The following GRIA2 variants were observed in gnomAD, a reference collection of about 807,000 sequenced individuals.
GRIA2 encodes the protein glutamate receptor 2.
A neutral mutation model predicts 97.3 loss-of-function variants in GRIA2; 14 were observed. The ratio of observed to expected loss-of-function variants is 0.14; its 90% CI spans 0.10 to 0.23. The LOEUF (loss-of-function observed/expected upper bound fraction) is 0.23, where lower values mean the gene tolerates loss of function less well. Ranked by LOEUF, GRIA2 falls within the 10% of genes least tolerant of loss-of-function variation. The pLI, the probability that GRIA2 is intolerant of heterozygous loss-of-function variation, is 1.00. For synonymous variants in GRIA2, 412 were observed against 387.8 expected (o/e 1.06, Z -0.73); for missense variants, 558 against 1,069.8 (o/e 0.52, Z 6.67).
At chr4:157,321,283 G>T (rs1734552966) in intron 5 of GRIA2, among the ~76,000 whole-genome samples, 155 bp from the exon 6 acceptor site, 1 of 152,064 alleles carries the variant, frequency 6.6e-6, no homozygotes, top group Non-Finnish European at 1.5e-5. Flanking sequence ...GAAGAACACT[G>T]GCTGATAAAT....
chr4:157,303,220 A>G (rs972332088), intron 2 of GRIA2, among the ~76,000 whole-genome samples: 1 of 152,102 alleles, frequency 6.6e-6, no homozygotes, highest in Non-Finnish European at 1.5e-5. Context: ...ATCTTAGGAG[A>G]CTACAGTTTG....
chr4:157,300,142 T>C (rs2126858286), intron 2 of GRIA2, among the ~76,000 whole-genome samples: 1 of 152,144 alleles, frequency 6.6e-6, no homozygotes, highest in East Asian at 1.9e-4. Context: ...GTTAAGGAAA[T>C]GGCTTTAAAT....
intron 2 of GRIA2, among the ~76,000 whole-genome samples, chr4:157,283,764 T>G (rs1159860883): frequency 1.3e-5 from 2 of 151,952 alleles, no homozygotes; most frequent in Non-Finnish European, 2.9e-5. Context: ...TGAAGTAAAT[T>G]AAGACACTCA....
chr4:157,267,161 C>A (rs913445684), intron 2 of GRIA2, among the ~76,000 whole-genome samples: 1 of 151,978 alleles, frequency 6.6e-6, no homozygotes, highest in Admixed American at 6.6e-5. Context: ...CACGGTGGCT[C>A]ATGCCAGTAA....
intron 2 of GRIA2, among the ~76,000 whole-genome samples, chr4:157,243,341 G>C (rs1447235428): frequency 6.6e-6 from 1 of 152,030 alleles, no homozygotes; most frequent in Non-Finnish European, 1.5e-5. Flanking sequence ...GAGTTTAAAG[G>C]ATTTCACCTT....
rs759220928 is a variant in GRIA2 at position 157,361,281 on chromosome 4, C to T, written c.2406+157C>T. Among the ~76,000 whole-genome samples, 16 of 152,158 alleles carry T rather than the reference C, an allele frequency of 1.1e-4. No homozygotes were observed. Among genetic ancestry groups the T allele is most frequent in the Non-Finnish European group, 2.2e-4 (15 of 68,026 alleles). On this transcript the variant is annotated intron_variant, in intron 14 of 15. Coordinates refer to ENST00000264426, the MANE Select transcript of GRIA2 (RefSeq NM_001083619.3). This position sits in a 1 kb window ranked among gnomAD's most constrained non-coding sequence, Gnocchi z 5.2. The stretch of plus-strand genomic sequence containing the variant: ...CACTTGACTTCTTCTTTCTTTCTTC[C>T]TCTACTTCTCTTTCCCTCTCTTTCT...
At chr4:157,232,559 G>A (rs953653888) in intron 2 of GRIA2, among the ~76,000 whole-genome samples, 3 of 151,950 alleles carry the variant, frequency 2.0e-5, no homozygotes, top group African/African-American at 7.3e-5. Context: ...GTTTTTACTA[G>A]TTTATGCTAT....
chr4:157,342,569 T>C (rs1331311220), intron 12 of GRIA2: 1 of 372,360 alleles, frequency 2.7e-6, no homozygotes, highest in African/African-American at 2.2e-5. Context: ...GATTTCTTAC[T>C]AATGAAAATG....
intron 2 of GRIA2, among the ~76,000 whole-genome samples, chr4:157,277,294 C>T (rs1031268803): frequency 3.3e-5 from 5 of 151,844 alleles, no homozygotes; most frequent in African/African-American, 1.2e-4. Flanking sequence ...ATCGCATAAT[C>T]ATATCATATG....
At chr4:157,230,853 T>G (rs1729980763) in intron 2 of GRIA2, among the ~76,000 whole-genome samples, 1 of 151,800 alleles carries the variant, frequency 6.6e-6, no homozygotes, top group Admixed American at 6.6e-5. Context: ...CCTTTTATTT[T>G]ATTTTATTTT....
At chr4:157,271,771 CT>C (rs1456376569) in intron 2 of GRIA2, among the ~76,000 whole-genome samples, 1 of 152,120 alleles carries the variant, frequency 6.6e-6, no homozygotes, top group Non-Finnish European at 1.5e-5. Flanking sequence ...CAATTAGCCT[CT>C]GTCCTGAAGC....
At chr4:157,256,226 A>AACATATATTACATATATATGTTATATATT (rs1554007393) in intron 2 of GRIA2, among the ~76,000 whole-genome samples, 7,052 of 119,664 alleles carry the variant, frequency 0.059, 1,044 homozygotes, top group African/African-American at 0.086. Flanking sequence ...TATAATATAT[A>AACATATATTACATATATATGTTATATATT]ATATATAATA....
intron 2 of GRIA2, among the ~76,000 whole-genome samples, chr4:157,266,222 T>C (rs1171442404): frequency 2.6e-5 from 4 of 152,104 alleles, no homozygotes; most frequent in Admixed American, 1.3e-4. Flanking sequence ...AAATGTATGG[T>C]CTGGGATTCA....
At chr4:157,236,574 G>C (rs1730258847) in intron 2 of GRIA2, among the ~76,000 whole-genome samples, 1 of 152,066 alleles carries the variant, frequency 6.6e-6, no homozygotes, top group Non-Finnish European at 1.5e-5. Flanking sequence ...TGCTATGAGT[G>C]GAATAACTTG....
At chr4:157,325,931 A>G (rs1000073527) in intron 6 of GRIA2, among the ~76,000 whole-genome samples, 1 of 152,066 alleles carries the variant, frequency 6.6e-6, no homozygotes, top group African/African-American at 2.4e-5. Context: ...TAGAGTATAA[A>G]TAGATTATTT....
intron 6 of GRIA2, among the ~76,000 whole-genome samples, chr4:157,329,105 T>TAA (rs1381001482): frequency 2.6e-5 from 4 of 151,994 alleles, no homozygotes; most frequent in Non-Finnish European, 4.4e-5. Context: ...GACAAGTGAA[T>TAA]AATTTTAAGT....
intron 12 of GRIA2, among the ~76,000 whole-genome samples, chr4:157,353,835 A>C (rs2126978561): frequency 6.6e-6 from 1 of 152,312 alleles, no homozygotes; most frequent in South Asian, 2.1e-4. Context: ...TTTTAAAATT[A>C]GTTTTATTTA....
intron 2 of GRIA2, among the ~76,000 whole-genome samples, chr4:157,250,546 C>G (rs1201701562): frequency 2.0e-5 from 3 of 151,986 alleles, no homozygotes; most frequent in Non-Finnish European, 1.5e-5. Flanking sequence ...TAAATGGAGT[C>G]AAATGCAGAT....
intron 2 of GRIA2, among the ~76,000 whole-genome samples, chr4:157,288,950 T>C (rs1732968000): frequency 1.3e-5 from 2 of 151,968 alleles, no homozygotes; most frequent in African/African-American, 4.8e-5. Flanking sequence ...GCCTTGCTTA[T>C]TTTGGGGTGA....
Sources: allele counts gnomAD v4.1 joint callset (sites outside exome capture counted in the v4.1 genomes callset), GRCh38; gene constraint gnomAD v4.1.1; non-coding constraint Gnocchi (gnomAD v3.1); transcripts MANE v1.5; gene names NCBI Gene and HGNC (gene_info 2026-07-23, HGNC 2026-07-21).